SETDB2: variants seen among roughly 807,000 people sequenced by gnomAD.
SETDB2 encodes the protein histone-lysine N-methyltransferase SETDB2.
Under a neutral mutation model 82.5 loss-of-function variants are expected in SETDB2, and 56 were observed. That is an observed-to-expected ratio of 0.68 (90% CI 0.55 to 0.85). SETDB2 has a LOEUF of 0.85. Among genes scored for constraint, SETDB2 ranks in the 40% least tolerant of loss-of-function variants. The pLI is 0.00. For synonymous variants in SETDB2, 272 were observed against 284.9 expected (o/e 0.95, Z 0.46); for missense variants, 677 against 816.4 (o/e 0.83, Z 2.08).
At chr13:49,490,768 A>G in intron 12 of SETDB2, 54 bp from the exon 13 acceptor site, 1 of 1,305,950 alleles carries the variant, frequency 7.7e-7, no homozygotes, top group Non-Finnish European at 1.1e-6. Context: ...GCAAAAGCAC[A>G]AGGCATCAGA....
rs73493208 is a variant in SETDB2, at chr13:49,492,252, A to G, written c.*403A>G. On this transcript the variant is annotated 3_prime_UTR_variant, in exon 14 of 14. Transcript: ENST00000611815. ...AGAGCTAAATTTCACATTTTTACCTACAAAATTGATTTTTAATTCCTGGCA... is the reference window on the plus strand; with the variant it reads ...AGAGCTAAATTTCACATTTTTACCTGCAAAATTGATTTTTAATTCCTGGCA... 4,282 of 175,604 alleles carry G rather than the reference A, an allele frequency of 0.024. 209 individuals carry two copies. The highest frequency in any genetic ancestry group is 0.098 in the African/African-American group (4,080 of 41,706). 10.9% of individuals were successfully genotyped at this position (175,604 alleles called of 1,614,324 possible).
At chr13:49,456,853 A>G (rs1325888870) in intron 2 of SETDB2, among the ~76,000 whole-genome samples, 1 of 152,192 alleles carries the variant, frequency 6.6e-6, no homozygotes, top group Non-Finnish European at 1.5e-5. Context: ...TACTGTGGTT[A>G]AGGGCTTCCA....
intron 4 of SETDB2, among the ~76,000 whole-genome samples, chr13:49,466,569 C>T (rs949059007): frequency 6.6e-6 from 1 of 152,062 alleles, no homozygotes; most frequent in Admixed American, 6.6e-5. Context: ...TAACTTTTCC[C>T]TTTGGCATAA....
chr13:49,459,299 A>G (rs960387843), intron 2 of SETDB2, among the ~76,000 whole-genome samples: 7 of 152,122 alleles, frequency 4.6e-5, no homozygotes, highest in African/African-American at 1.7e-4. Context: ...GGGAAAATGT[A>G]TTTTTTGTAA....
At chr13:49,485,237 G>A (rs1384844838) in intron 10 of SETDB2, among the ~76,000 whole-genome samples, 1 of 152,158 alleles carries the variant, frequency 6.6e-6, no homozygotes, top group Non-Finnish European at 1.5e-5. Context: ...ACCTTTCTTT[G>A]AAGTAGAAAC....
At chr13:49,446,602 C>T (rs1957695176) in intron 1 of SETDB2, among the ~76,000 whole-genome samples, 1 of 152,136 alleles carries the variant, frequency 6.6e-6, no homozygotes, top group South Asian at 2.1e-4. Flanking sequence ...GCAGCCTGTA[C>T]ATGTTATTTA....
At chr13:49,472,599 C>G (rs1238677783) in intron 5 of SETDB2, among the ~76,000 whole-genome samples, 1 of 151,758 alleles carries the variant, frequency 6.6e-6, no homozygotes, top group African/African-American at 2.4e-5. Context: ...AGTAATGTAT[C>G]TTCACACCTA....
rs374621417 is a variant in SETDB2 at position 49,486,890 on chromosome 13, GC to G, written c.1576+1168del. On this transcript the variant is annotated intron_variant, in intron 11 of 13. Coordinates refer to ENST00000611815, the MANE Select transcript of SETDB2 (RefSeq NM_001160308.3). ...CTGCTGTCTCTTCCCCCCTGCAACC[GC>G]AGCTCTCCACCTAATATTAAAGGAT... Among the ~76,000 whole-genome samples, 250 of 152,222 alleles carry G rather than the reference GC, an allele frequency of 1.6e-3. 2 individuals carry two copies. The highest frequency in any genetic ancestry group is 5.7e-3 in the African/African-American group (238 of 41,540).
chr13:49,445,303 G>C (rs571971588), intron 1 of SETDB2, among the ~76,000 whole-genome samples: 1 of 152,264 alleles, frequency 6.6e-6, no homozygotes, highest in South Asian at 2.1e-4. Flanking sequence ...TGGTTCTGTC[G>C]TTACAATTAA....
intron 4 of SETDB2, chr13:49,463,881 G>T (rs149368906): frequency 1.9e-5 from 12 of 629,854 alleles, no homozygotes; most frequent in African/African-American, 1.3e-4. Flanking sequence ...TTGTGTCCTG[G>T]CTTCTTAGAT....
chr13:49,477,023 G>A lies in SETDB2; in HGVS notation c.853G>A (p.Glu285Lys). ...SMFTDSCDCS[E>K]GCIDITKCAC... is the part of the protein sequence containing the mutation. ...GTTTACTGATTCCTGTGACTGCTCTGAGGGCTGCATAGACATGTGAGTAGA... is the reference window on the plus strand; with the variant it reads ...GTTTACTGATTCCTGTGACTGCTCTAAGGGCTGCATAGACATGTGAGTAGA... The change falls in exon 6 of 14, where the codon GAG (glutamate) becomes AAG (lysine). Residue 285 changes from glutamate to lysine, a missense_variant. Physicochemically the swap from Glu to Lys is moderately conservative, Grantham distance 56. This residue lies in a region of SETDB2 where 420 missense variants were observed against 554.6 expected (regional missense o/e 0.76). Transcript: ENST00000611815. 6.2e-7 allele frequency: 1 copy of A among 1,601,948 alleles called. No individual in the cohort carries two copies. Among genetic ancestry groups the A allele is most frequent in the Non-Finnish European group, 8.5e-7 (1 of 1,176,962 alleles).
At chr13:49,470,020 G>A (rs949091998) in intron 5 of SETDB2, among the ~76,000 whole-genome samples, 2 of 152,044 alleles carry the variant, frequency 1.3e-5, no homozygotes, top group African/African-American at 4.8e-5. Context: ...TGGAAACCTC[G>A]GTTCTTACTA....
At chr13:49,464,874 C>T (rs1280132526) in intron 4 of SETDB2, among the ~76,000 whole-genome samples, 1 of 151,582 alleles carries the variant, frequency 6.6e-6, no homozygotes, top group Admixed American at 6.6e-5. Flanking sequence ...CCAACCTGGG[C>T]AACACAGTGA....
At chr13:49,478,367 T>G (rs548189389) in intron 6 of SETDB2, among the ~76,000 whole-genome samples, 2 of 152,270 alleles carry the variant, frequency 1.3e-5, no homozygotes, top group African/African-American at 2.4e-5. Flanking sequence ...TCACAGGGCC[T>G]GGAATTGTAT....
intron 6 of SETDB2, among the ~76,000 whole-genome samples, chr13:49,479,065 T>C (rs1017182619): frequency 2.8e-4 from 43 of 152,300 alleles, no homozygotes; most frequent in African/African-American, 1.0e-3. Context: ...AAGCAAGTTA[T>C]AGAATAATAC....
Position 49,488,428 on chromosome 13 carries a change from A to G in SETDB2, c.1715A>G (p.Asn572Ser). ...CNQATTLDNQ[N>S]IKKAIEVQIQ... ...CAGGCGACCACATTGGATAATCAGA[A>G]TATTAAAAAGGCAATTGAGGTTCAA... is the stretch of plus-strand genomic sequence containing the variant. The change falls in exon 12 of 14, where the codon AAT becomes AGT. Residue 572 changes from asparagine (N) to serine (S), a missense_variant. Around this residue, in one of 3 missense-constraint regions of SETDB2, gnomAD observed 420 missense variants for 554.6 expected, o/e 0.76. Coordinates refer to ENST00000611815, the MANE Select transcript of SETDB2 (RefSeq NM_001160308.3). The G allele has an allele frequency of 6.2e-7, 1 of 1,614,156 alleles. No individual in the cohort carries two copies. Among genetic ancestry groups the G allele is most frequent in the Non-Finnish European group, 8.5e-7 (1 of 1,180,004 alleles).
intron 10 of SETDB2, 46 bp downstream of exon 10, chr13:49,483,609 A>ATTTTTTTTTTTTTTTTTTTT (rs745508872): frequency 4.9e-6 from 1 of 205,662 alleles, no homozygotes; most frequent in Non-Finnish European, 8.5e-6. Flanking sequence ...TCTTTTTTAA[A>ATTTTTTTTTTTTTTTTTTTT]TTTTTTTTTT....
chr13:49,446,506 A>G lies in SETDB2; in HGVS notation c.-342+1649A>G, dbSNP rs1288128328. The stretch of plus-strand genomic sequence containing the variant: ...CTTTTAATACTGTTACATATTCTAT[A>G]TAGGTGAATATATACATTTGTAATT... On this transcript the variant is annotated intron_variant, in intron 1 of 13. Coordinates refer to ENST00000611815, the MANE Select transcript of SETDB2 (RefSeq NM_001160308.3). 2.6e-5 allele frequency: 10 copies of G among 387,366 alleles called. No individual in the cohort carries two copies. The East Asian group carries it at 6.3e-4, about 24-fold the overall frequency. The allele number at this position is 387,366 out of a possible 1,614,324, so 24.0% of individuals were successfully genotyped here.
chr13:49,490,974 T>C (rs754145155), intron 13 of SETDB2, 64 bp downstream of exon 13: 10 of 1,326,200 alleles, frequency 7.5e-6, no homozygotes, highest in Admixed American at 1.8e-5. Context: ...AATAGAGGGC[T>C]GAGTGCTGTG....
Sources: gnomAD v4.1 joint callset for allele counts (sites outside exome capture counted in the v4.1 genomes callset) on GRCh38, gnomAD v4.1.1 for gene constraint, gnomAD v4.1.1 regional missense constraint, MANE v1.5 for transcripts, NCBI Gene and HGNC (gene_info 2026-07-23, HGNC 2026-07-21) for gene names.